Variants in MPP7 observed in about 807,000 individuals in gnomAD.
MPP7 encodes the protein MAGUK p55 subfamily member 7.
Under a neutral mutation model 76.5 loss-of-function variants are expected in MPP7, and 60 were observed. The observed-to-expected ratio is 0.78, with a 90% CI of 0.64 to 0.97. The LOEUF (loss-of-function observed/expected upper bound fraction) is 0.97. Ranked by LOEUF, MPP7 falls within the 50% of genes least tolerant of loss-of-function variation. MPP7 has a pLI of 0.00. For synonymous variants in MPP7, 237 were observed against 244.5 expected (o/e 0.97, Z 0.29); for missense variants, 641 against 694.0 (o/e 0.92, Z 0.86).
intron 12 of MPP7, among the ~76,000 whole-genome samples, chr10:28,087,935 C>T (rs1853099174): frequency 6.6e-6 from 1 of 152,126 alleles, no homozygotes; most frequent in Admixed American, 6.5e-5. Flanking sequence ...CTTCCTCCTC[C>T]TCCTTGAGGA....
At chr10:28,070,735 G>A (rs1394960185) in intron 12 of MPP7, among the ~76,000 whole-genome samples, 1 of 152,186 alleles carries the variant, frequency 6.6e-6, no homozygotes, top group Non-Finnish European at 1.5e-5. Flanking sequence ...AAGGCATACA[G>A]TAGATTCTGC....
chr10:28,250,511 G>C (rs1382929687), intron 1 of MPP7, among the ~76,000 whole-genome samples: 1 of 152,114 alleles, frequency 6.6e-6, no homozygotes, highest in Non-Finnish European at 1.5e-5. Flanking sequence ...AAATTGGTCT[G>C]TTCCCACCTC....
intron 11 of MPP7, among the ~76,000 whole-genome samples, chr10:28,113,551 C>G (rs914060092): frequency 6.6e-6 from 1 of 152,050 alleles, no homozygotes. Flanking sequence ...TAATCAAGTC[C>G]TTATGAGAGA....
At chr10:28,073,858 CT>C (rs1481190994) in intron 12 of MPP7, among the ~76,000 whole-genome samples, 1 of 152,084 alleles carries the variant, frequency 6.6e-6, no homozygotes, top group Non-Finnish European at 1.5e-5. Flanking sequence ...CTCTCCTTTA[CT>C]TGAAGCTGAG....
chr10:28,100,519 A>G (rs1853774904), intron 11 of MPP7, among the ~76,000 whole-genome samples: 1 of 152,190 alleles, frequency 6.6e-6, no homozygotes, highest in South Asian at 2.1e-4. Context: ...TCAGAAAAAA[A>G]TCACCAAAGA....
At chr10:28,162,586 G>A (rs547631247) in intron 3 of MPP7, among the ~76,000 whole-genome samples, 1 of 152,234 alleles carries the variant, frequency 6.6e-6, no homozygotes, top group South Asian at 2.1e-4. Context: ...AAAAACAGTG[G>A]GGAGCAGGTT....
chr10:28,260,668 A>C (rs867383447), intron 1 of MPP7, among the ~76,000 whole-genome samples: 21 of 149,210 alleles, frequency 1.4e-4, no homozygotes, highest in Non-Finnish European at 1.3e-4. Flanking sequence ...CCTACTCAAG[A>C]GGCTGAGACA....
chr10:28,201,687 A>G lies in MPP7; in HGVS notation c.156+466T>C, dbSNP rs192137132. On this transcript the variant is annotated intron_variant, in intron 3 of 16. Transcript: ENST00000683449. ...TATTTATATACAAAATACCACTTCA[A>G]TGGAGTTCTGCCAATAAAAGGAACA... Among the ~76,000 whole-genome samples the G allele has an allele frequency of 1.7e-4, 26 of 152,306 alleles. No individual in the cohort carries two copies. In the East Asian group the frequency reaches 4.8e-3, roughly 28 times the overall value.
rs1853195154 is a variant in MPP7 at position 28,089,689 on chromosome 10, T to C, written c.1105A>G (p.Arg369Gly). The change falls in exon 12 of 17, where the codon AGA becomes GGA. Residue 369 changes from arginine to glycine, a missense_variant. Coordinates refer to ENST00000683449, the MANE Select transcript of MPP7 (RefSeq NM_001318170.2). ...CACTTACCAACCAAGACAACGAGTC[T>C]GTATTTTTCATTAGTTTGTCGCCGA... ...PYRRQTNEKY[R>G]LVVLVGPVGV... 6.2e-6 allele frequency: 10 copies of C among 1,613,502 alleles called. No homozygotes were observed. The highest frequency in any genetic ancestry group is 1.1e-5 in the South Asian group (1 of 90,970).
At chr10:28,177,475 G>A (rs942290125) in intron 3 of MPP7, among the ~76,000 whole-genome samples, 22 of 151,568 alleles carry the variant, frequency 1.5e-4, no homozygotes, top group African/African-American at 5.3e-4. Flanking sequence ...ACAACATTGT[G>A]AAAATTCGTA....
chr10:28,250,560 A>T (rs1171629804), intron 1 of MPP7, among the ~76,000 whole-genome samples: 1 of 152,190 alleles, frequency 6.6e-6, no homozygotes, highest in Non-Finnish European at 1.5e-5. Context: ...CATCTTTCAA[A>T]GATCCTTACG....
intron 2 of MPP7, among the ~76,000 whole-genome samples, chr10:28,227,218 A>C (rs1340130308): frequency 6.6e-6 from 1 of 152,220 alleles, no homozygotes; most frequent in South Asian, 2.1e-4. Context: ...TCCCAAAAAG[A>C]AGGTTTTCCC....
chr10:28,101,118 T>A (rs559122876), intron 11 of MPP7, among the ~76,000 whole-genome samples: 1 of 152,142 alleles, frequency 6.6e-6, no homozygotes, highest in Non-Finnish European at 1.5e-5. Context: ...ACAAATGGTT[T>A]CTTTCTGTCA....
intron 1 of MPP7, among the ~76,000 whole-genome samples, chr10:28,294,680 C>T (rs1023433014): frequency 2.6e-5 from 4 of 152,158 alleles, no homozygotes; most frequent in African/African-American, 9.7e-5. Flanking sequence ...AATTTTCTGT[C>T]TTTGCTTCAA....
intron 2 of MPP7, among the ~76,000 whole-genome samples, chr10:28,323,192 G>A (rs760664317): frequency 1.3e-5 from 2 of 152,132 alleles, no homozygotes; most frequent in Non-Finnish European, 2.9e-5. Context: ...GGCTGAGGCA[G>A]GAGAATGGCA....
At chr10:28,055,309 T>A (rs1038472024) in intron 16 of MPP7, among the ~76,000 whole-genome samples, 1 of 152,176 alleles carries the variant, frequency 6.6e-6, no homozygotes, top group Non-Finnish European at 1.5e-5. Flanking sequence ...AGAACGGATA[T>A]GTACTGTTGG....
chr10:28,137,808 T>C (rs1300411331), intron 5 of MPP7, among the ~76,000 whole-genome samples: 1 of 152,188 alleles, frequency 6.6e-6, no homozygotes, highest in Non-Finnish European at 1.5e-5. Context: ...GGTTTACCTG[T>C]TGCTCAGAAG....
chr10:28,209,049 G>GCTCC (rs1223494307), intron 2 of MPP7, among the ~76,000 whole-genome samples: 1 of 151,928 alleles, frequency 6.6e-6, no homozygotes, highest in African/African-American at 2.4e-5. Context: ...TGATACACCT[G>GCTCC]CTCCCCATTC....
chr10:28,073,043 G>A (rs111552708), intron 12 of MPP7, among the ~76,000 whole-genome samples: 2 of 152,048 alleles, frequency 1.3e-5, no homozygotes, highest in African/African-American at 4.8e-5. Flanking sequence ...TGGTCTCCAC[G>A]CATAAACCAG....
Sources: gnomAD v4.1 joint callset for allele counts (sites outside exome capture counted in the v4.1 genomes callset) on GRCh38, gnomAD v4.1.1 for gene constraint, MANE v1.5 for transcripts, NCBI Gene and HGNC (gene_info 2026-07-23, HGNC 2026-07-21) for gene names.